CRACD: variants seen among roughly 807,000 people sequenced by gnomAD.
CRACD encodes the protein capping protein-inhibiting regulator of actin dynamics.
A neutral mutation model predicts 106.8 loss-of-function variants in CRACD; 56 were observed. That is an observed-to-expected ratio of 0.52 (90% CI 0.42 to 0.66). The LOEUF (loss-of-function observed/expected upper bound fraction) is 0.66, where lower values mean the gene tolerates loss of function less well. Among genes scored for constraint, CRACD ranks in the 30% least tolerant of loss-of-function variants. The pLI, the probability that CRACD is intolerant of heterozygous loss-of-function variation, is 0.00. For synonymous variants in CRACD, 754 were observed against 670.8 expected (o/e 1.12, Z -1.92); for missense variants, 1,730 against 1,623.2 (o/e 1.07, Z -1.13).
At chr4:56,100,375 G>T (rs532554662) in intron 1 of CRACD, among the ~76,000 whole-genome samples, 1 of 152,114 alleles carries the variant, frequency 6.6e-6, no homozygotes, top group Non-Finnish European at 1.5e-5. Flanking sequence ...TATAATAATT[G>T]TGCCTTTGTT....
intron 8 of CRACD, among the ~76,000 whole-genome samples, chr4:56,317,452 C>T (rs553089503): frequency 3.9e-5 from 6 of 152,234 alleles, no homozygotes; most frequent in South Asian, 2.1e-4. Flanking sequence ...TTTACACAAG[C>T]GATAAAAGGT....
chr4:56,307,737 A>ATG, intron 5 of CRACD, 38 bp downstream of exon 5: 10 of 1,609,260 alleles, frequency 6.2e-6, no homozygotes, highest in Non-Finnish European at 8.5e-6. Flanking sequence ...TGGCTCATAA[A>ATG]CCAGGGCAGG....
At chr4:56,079,845 C>T (rs1039032408) in intron 1 of CRACD, among the ~76,000 whole-genome samples, 7 of 151,970 alleles carry the variant, frequency 4.6e-5, no homozygotes, top group South Asian at 2.1e-4. Flanking sequence ...TTTCCAACGA[C>T]GGAAGGCAAG....
chr4:56,190,013 C>T (rs1413282374), intron 2 of CRACD, among the ~76,000 whole-genome samples: 17 of 129,520 alleles, frequency 1.3e-4, no homozygotes, highest in African/African-American at 4.6e-4. Flanking sequence ...TGTTCCCCTT[C>T]CTGTGTCCAT....
intron 5 of CRACD, 96 bp from the exon 6 acceptor site, chr4:56,310,570 G>T: frequency 1.2e-6 from 1 of 832,514 alleles, no homozygotes; most frequent in East Asian, 2.5e-5. Flanking sequence ...CTGTGTAGAG[G>T]AGGGGGTGAC....
chr4:56,231,191 A>ACACACACAC (rs373760301), intron 2 of CRACD, among the ~76,000 whole-genome samples: 47 of 152,270 alleles, frequency 3.1e-4, no homozygotes, highest in African/African-American at 1.1e-3. Flanking sequence ...TTTGAAATAC[A>ACACACACAC]CACACACACT....
chr4:56,135,996 T>C (rs897549631), intron 1 of CRACD, among the ~76,000 whole-genome samples: 1 of 152,182 alleles, frequency 6.6e-6, no homozygotes, highest in Admixed American at 6.5e-5. Context: ...TAGAATTTTA[T>C]GTAAGTGGAG....
rs138492882 is a variant in CRACD, at chr4:56,122,841, G to A, written c.-335-56443G>A. On this transcript the variant is annotated intron_variant, in intron 1 of 10. Coordinates refer to ENST00000682029, the MANE Select transcript of CRACD (RefSeq NM_001393381.1). ...CATGGATGAATATCAGTGAAATATT[G>A]CTTGAGGACAGAATGCATTTCCAAA... 3.4e-3 allele frequency among the ~76,000 whole-genome samples: 518 copies of A among 152,306 alleles called. 6 individuals carry two copies. Among genetic ancestry groups the A allele is most frequent in the African/African-American group, 0.012 (490 of 41,564 alleles).
intron 1 of CRACD, among the ~76,000 whole-genome samples, chr4:56,149,067 T>G (rs1440933140): frequency 6.6e-6 from 1 of 152,168 alleles, no homozygotes; most frequent in Non-Finnish European, 1.5e-5. Flanking sequence ...CTGCCTGCCT[T>G]GGCCTCCCAA....
At chr4:56,212,736 A>C (rs910434835) in intron 2 of CRACD, among the ~76,000 whole-genome samples, 2 of 152,222 alleles carry the variant, frequency 1.3e-5, no homozygotes, top group Non-Finnish European at 2.9e-5. Flanking sequence ...GGGAGAACAC[A>C]AAAATACCTG....
chr4:56,307,274 G>A (rs1744789537), intron 4 of CRACD, among the ~76,000 whole-genome samples: 1 of 152,086 alleles, frequency 6.6e-6, no homozygotes, highest in South Asian at 2.1e-4. Flanking sequence ...GGGAAATGTT[G>A]GGATCTCCAT....
intron 1 of CRACD, among the ~76,000 whole-genome samples, chr4:56,116,037 G>A (rs10003906): frequency 0.69 from 104,578 of 152,082 alleles, 36,961 homozygotes; most frequent in African/African-American, 0.85. Context: ...CTCTGCCTGC[G>A]CTCTTAAATA....
intron 2 of CRACD, among the ~76,000 whole-genome samples, chr4:56,197,009 A>C (rs558497293): frequency 1.3e-5 from 2 of 152,210 alleles, no homozygotes; most frequent in Admixed American, 1.3e-4. Flanking sequence ...TCCCATCAAA[A>C]ATGCTTTAAT....
rs751314820 is a variant in CRACD, at chr4:56,315,762, A to G, written c.2260A>G (p.Ser754Gly). 45 of 1,614,104 alleles carry G rather than the reference A, an allele frequency of 2.8e-5. No homozygotes were observed. The highest frequency in any genetic ancestry group is 3.3e-4 in the Middle Eastern group (2 of 6,084). The change falls in exon 8 of 11, where the codon AGC becomes GGC. Residue 754 changes from serine (S) to glycine (G), a missense_variant. This residue lies in a region of CRACD where 1,620 missense variants were observed against 1,481.6 expected (regional missense o/e 1.09). Coordinates refer to ENST00000682029, the MANE Select transcript of CRACD (RefSeq NM_001393381.1). This position sits in a 1 kb window ranked among gnomAD's most constrained non-coding sequence, Gnocchi z 4.1. ...SIRKRPMLGPSEETAPQPPPA... is the reference protein window; with the variant it reads ...SIRKRPMLGPGEETAPQPPPA... ...ACGAAAAAGACCCATGCTGGGACCC[A>G]GCGAAGAGACAGCCCCCCAGCCTCC... is the stretch of plus-strand genomic sequence containing the variant.
At chr4:56,131,300 G>A (rs556281672) in intron 1 of CRACD, among the ~76,000 whole-genome samples, 1 of 152,276 alleles carries the variant, frequency 6.6e-6, no homozygotes, top group South Asian at 2.1e-4. Flanking sequence ...CAAAGTTGTA[G>A]AGTTTGAATG....
At chr4:56,149,835 C>A (rs112396117) in intron 1 of CRACD, among the ~76,000 whole-genome samples, 65 of 152,286 alleles carry the variant, frequency 4.3e-4, no homozygotes, top group African/African-American at 1.5e-3. Flanking sequence ...ATGTCAAAGT[C>A]ATGTAAATTT....
intron 2 of CRACD, among the ~76,000 whole-genome samples, chr4:56,247,432 C>G (rs1257802794): frequency 3.9e-5 from 6 of 152,160 alleles, no homozygotes; most frequent in Non-Finnish European, 8.8e-5. Flanking sequence ...GATAGTAACT[C>G]AGGAATCTAA....
intron 3 of CRACD, chr4:56,288,352 G>C: frequency 3.7e-6 from 1 of 269,466 alleles, no homozygotes; most frequent in Non-Finnish European, 7.3e-6. Context: ...AGATAGTGAC[G>C]AAAGTACCCA....
chr4:56,072,463 A>G (rs1732691907), intron 1 of CRACD, among the ~76,000 whole-genome samples: 2 of 152,298 alleles, frequency 1.3e-5, no homozygotes, highest in African/African-American at 4.8e-5. Flanking sequence ...TCTCCTTTCA[A>G]AAACACAGCC....
Sources: gnomAD v4.1 joint callset for allele counts (sites outside exome capture counted in the v4.1 genomes callset) on GRCh38, gnomAD v4.1.1 for gene constraint, gnomAD v4.1.1 regional missense constraint, Gnocchi (gnomAD v3.1) non-coding constraint, MANE v1.5 for transcripts, NCBI Gene and HGNC (gene_info 2026-07-23, HGNC 2026-07-21) for gene names.